Variants in ASTN2 observed in about 807,000 individuals in gnomAD.
The protein encoded by ASTN2 is astrotactin-2.
ASTN2 carries 54 observed loss-of-function variants against 139.8 expected under a neutral mutation model. That is an observed-to-expected ratio of 0.39 (90% CI 0.31 to 0.48). The LOEUF is 0.48. Ranked by LOEUF, ASTN2 falls within the 20% of genes least tolerant of loss-of-function variation. The pLI, the probability that ASTN2 is intolerant of heterozygous loss-of-function variation, is 0.95. For synonymous variants in ASTN2, 756 were observed against 719.5 expected (o/e 1.05, Z -0.81); for missense variants, 1,565 against 1,725.1 (o/e 0.91, Z 1.64).
At chr9:116,742,961 C>T (rs1829133148) in intron 13 of ASTN2, among the ~76,000 whole-genome samples, 1 of 152,020 alleles carries the variant, frequency 6.6e-6, no homozygotes, top group Admixed American at 6.5e-5. Flanking sequence ...AAAAACTACC[C>T]AAGACCATCC....
intron 4 of ASTN2, among the ~76,000 whole-genome samples, chr9:117,133,028 C>T (rs1242162555): frequency 6.6e-6 from 1 of 152,158 alleles, no homozygotes; most frequent in African/African-American, 2.4e-5. Flanking sequence ...TCTAAAGATC[C>T]TCCCTGAGTA....
Position 117,068,736 on chromosome 9 carries a change from G to T in ASTN2, c.1276+27308C>A, listed in dbSNP as rs1182091424. Among the ~76,000 whole-genome samples, 2 of 120,198 alleles carry T rather than the reference G, an allele frequency of 1.7e-5. 1 individual carries two copies. Among genetic ancestry groups the T allele is most frequent in the Non-Finnish European group, 3.6e-5 (2 of 54,996 alleles). 78.9% of individuals were successfully genotyped at this position (120,198 alleles called of 152,430 possible). Reference sequence around the variant, plus strand: ...TCAACTTCTTCCTGGTTTAGTCTTGGGAGAGTGTATGTGTCGAGGAATTTA... The same window carrying T: ...TCAACTTCTTCCTGGTTTAGTCTTGTGAGAGTGTATGTGTCGAGGAATTTA... On this transcript the variant is annotated intron_variant, in intron 5 of 22. Transcript: ENST00000313400.
At chr9:116,772,334 TG>T (rs1829973646) in intron 13 of ASTN2, among the ~76,000 whole-genome samples, 2 of 152,276 alleles carry the variant, frequency 1.3e-5, no homozygotes, top group Admixed American at 6.5e-5. Context: ...GGTTTTATAA[TG>T]GGCAGTTCCC....
At chr9:117,134,283 TATATATATATATACACACAC>T (rs1272240275) in intron 4 of ASTN2, among the ~76,000 whole-genome samples, 5 of 76,436 alleles carry the variant, frequency 6.5e-5, no homozygotes, top group African/African-American at 1.4e-4. Flanking sequence ...TATATATATA[TATATATATATATACACACAC>T]ACACACACAC....
intron 16 of ASTN2, among the ~76,000 whole-genome samples, chr9:116,723,081 C>A (rs780622207): frequency 5.5e-4 from 83 of 151,954 alleles, no homozygotes; most frequent in Non-Finnish European, 8.7e-4. Flanking sequence ...AGGAGAATGG[C>A]GTGAACCCGG....
At chr9:117,209,213 A>G (rs1459217454) in intron 3 of ASTN2, among the ~76,000 whole-genome samples, 1 of 152,170 alleles carries the variant, frequency 6.6e-6, no homozygotes, top group Non-Finnish European at 1.5e-5. Context: ...CAACAATAAC[A>G]ATTATTATAA....
chr9:116,583,344 C>A (rs1181879883), intron 19 of ASTN2: 1 of 152,182 alleles, frequency 6.6e-6, no homozygotes, highest in Non-Finnish European at 1.5e-5. Flanking sequence ...CTATGGAATG[C>A]CATGATCTCC....
chr9:117,413,447 A>G (rs1381633378), intron 1 of ASTN2, among the ~76,000 whole-genome samples: 2 of 152,338 alleles, frequency 1.3e-5, no homozygotes, highest in East Asian at 3.9e-4. Flanking sequence ...TCCGACAACC[A>G]ATAAGGCCCC....
intron 3 of ASTN2, among the ~76,000 whole-genome samples, chr9:117,183,021 C>A (rs569462764): frequency 3.3e-5 from 5 of 152,242 alleles, no homozygotes; most frequent in Admixed American, 2.6e-4. Context: ...CGCTACATAC[C>A]CTTCTAATTC....
intron 5 of ASTN2, among the ~76,000 whole-genome samples, chr9:117,078,629 T>C (rs533402154): frequency 1.3e-5 from 2 of 152,236 alleles, no homozygotes; most frequent in Non-Finnish European, 2.9e-5. Flanking sequence ...CCTCTATAGC[T>C]TGAAAATGGC....
At chr9:117,035,175 G>T (rs187738225) in intron 6 of ASTN2, among the ~76,000 whole-genome samples, 1 of 152,202 alleles carries the variant, frequency 6.6e-6, no homozygotes, top group African/African-American at 2.4e-5. Context: ...CTCTGGCTTT[G>T]GTCCCTGGGA....
At chr9:116,612,963 G>A (rs1855628060) in intron 19 of ASTN2, 1 of 149,990 alleles carries the variant, frequency 6.7e-6, no homozygotes, top group African/African-American at 2.4e-5. Flanking sequence ...CAACAAAATT[G>A]ATAGACTACT....
At chr9:117,159,749 G>GACA (rs1830507108) in intron 3 of ASTN2, among the ~76,000 whole-genome samples, 2 of 151,974 alleles carry the variant, frequency 1.3e-5, no homozygotes. Context: ...AAGGAAGTTG[G>GACA]ACAACTTGAA....
intron 6 of ASTN2, among the ~76,000 whole-genome samples, chr9:117,012,263 C>T (rs560705479): frequency 6.6e-6 from 1 of 152,284 alleles, no homozygotes; most frequent in East Asian, 1.9e-4. Flanking sequence ...CAGTTCCAAA[C>T]TAAATGTCGA....
At chr9:116,798,010 T>C (rs13283956) in intron 13 of ASTN2, among the ~76,000 whole-genome samples, 127,641 of 152,242 alleles carry the variant, frequency 0.84, 53,718 homozygotes, top group East Asian at 0.98. Context: ...GTGACTCACA[T>C]CTGTAACTAC....
At chr9:117,224,408 A>G (rs1832632616) in intron 2 of ASTN2, among the ~76,000 whole-genome samples, 1 of 152,120 alleles carries the variant, frequency 6.6e-6, no homozygotes. Context: ...AAAAAATTTG[A>G]TACAAAGTAG....
At chr9:117,166,713 G>T (rs1047078321) in intron 3 of ASTN2, among the ~76,000 whole-genome samples, 1 of 152,032 alleles carries the variant, frequency 6.6e-6, no homozygotes, top group African/African-American at 2.4e-5. Context: ...TCTGCAGTAA[G>T]TGGATCCCTT....
At chr9:116,439,193 C>CTTTTTTTTTTTTTTT (rs1564277528) in intron 22 of ASTN2, among the ~76,000 whole-genome samples, 3 of 102,776 alleles carry the variant, frequency 2.9e-5, no homozygotes, top group African/African-American at 1.1e-4. Flanking sequence ...TATTCAAATA[C>CTTTTTTTTTTTTTTT]ATTTTTTTTT....
intron 13 of ASTN2, among the ~76,000 whole-genome samples, chr9:116,760,085 AATAAG>A (rs1215650375): frequency 6.6e-6 from 1 of 152,218 alleles, no homozygotes; most frequent in African/African-American, 2.4e-5. Context: ...TTACCAAAAA[AATAAG>A]ATATCATTAT....
Sources: gnomAD v4.1 joint callset for allele counts (sites outside exome capture counted in the v4.1 genomes callset) on GRCh38, gnomAD v4.1.1 for gene constraint, MANE v1.5 for transcripts, NCBI Gene and HGNC (gene_info 2026-07-23, HGNC 2026-07-21) for gene names.